Variants in BORCS5 observed in about 807,000 individuals in gnomAD.
BORCS5 encodes the protein BLOC-1 related complex subunit 5, also known as BLOC-1-related complex subunit 5.
Under a neutral mutation model 22.1 loss-of-function variants are expected in BORCS5, and 17 were observed. That is an observed-to-expected ratio of 0.77 (90% confidence interval 0.53 to 1.15). The LOEUF (loss-of-function observed/expected upper bound fraction) is 1.15. Ranked by LOEUF, BORCS5 falls within the 50% of genes most tolerant of loss-of-function variation. BORCS5 has a pLI of 0.00. For synonymous variants in BORCS5, 117 were observed against 99.8 expected (o/e 1.17, Z -1.03); for missense variants, 247 against 253.2 (o/e 0.98, Z 0.17).
At chr12:12,418,004 ATTTATTT>A (rs1942013644) in intron 2 of BORCS5, among the ~76,000 whole-genome samples, 1 of 69,826 alleles carries the variant, frequency 1.4e-5, no homozygotes, top group Non-Finnish European at 2.7e-5. Context: ...TTATTTATTT[ATTTATTT>A]ATTTATTTAT....
chr12:12,361,178 CT>C (rs1863275918), intron 1 of BORCS5, 27 bp from the exon 2 acceptor site: 1 of 1,607,508 alleles, frequency 6.2e-7, no homozygotes, highest in South Asian at 1.1e-5. Context: ...TAATATGCAT[CT>C]CCTAAGCAGT....
intron 2 of BORCS5, among the ~76,000 whole-genome samples, chr12:12,412,388 A>C (rs548507198): frequency 6.6e-6 from 1 of 152,090 alleles, no homozygotes. Context: ...GCTATTGGAA[A>C]TGGAATTGTT....
At chr12:12,426,135 C>T (rs1051674257) in intron 2 of BORCS5, among the ~76,000 whole-genome samples, 2 of 152,178 alleles carry the variant, frequency 1.3e-5, no homozygotes, top group African/African-American at 4.8e-5. Flanking sequence ...TGACTCCAAA[C>T]TTTTTCATTA....
intron 2 of BORCS5, among the ~76,000 whole-genome samples, chr12:12,414,060 C>T (rs1431664916): frequency 4.0e-5 from 3 of 74,848 alleles, no homozygotes; most frequent in Non-Finnish European, 5.4e-5. Context: ...AGGCGGGGGG[C>T]TGATCCCCCC....
chr12:12,467,106 T>C lies in BORCS5; in HGVS notation c.*1330T>C, dbSNP rs1369333099. On this transcript the variant is annotated 3_prime_UTR_variant, in exon 4 of 4. Transcript: ENST00000314565. ...ACCAAATCCAGCTAATTAAAAAAAA[T>C]TAATTAATTTTACATTTTCAAATTC... The C allele has an allele frequency of 6.6e-6, 1 of 152,130 alleles. No homozygotes were observed. The highest frequency in any genetic ancestry group is 6.5e-5 in the Admixed American group (1 of 15,282). 9.4% of individuals were successfully genotyped at this position (152,130 alleles called of 1,614,324 possible). A position where few individuals can be genotyped will look rare whatever the true frequency, so the allele number is the denominator to read the frequency against.
intron 2 of BORCS5, among the ~76,000 whole-genome samples, chr12:12,430,538 G>A (rs1440493095): frequency 6.6e-6 from 1 of 152,074 alleles, no homozygotes; most frequent in East Asian, 1.9e-4. Flanking sequence ...GGGGCACTTG[G>A]GATGGGTGAA....
At chr12:12,387,266 C>A (rs913267022) in intron 2 of BORCS5, among the ~76,000 whole-genome samples, 1 of 151,236 alleles carries the variant, frequency 6.6e-6, no homozygotes, top group African/African-American at 2.4e-5. Context: ...CTGAAGGAAT[C>A]GGGGTTGTTT....
At chr12:12,394,554 T>G (rs983352946) in intron 2 of BORCS5, among the ~76,000 whole-genome samples, 1 of 151,818 alleles carries the variant, frequency 6.6e-6, no homozygotes, top group South Asian at 2.1e-4. Flanking sequence ...AAAAAAAAAT[T>G]TAAAGAGACA....
intron 2 of BORCS5, among the ~76,000 whole-genome samples, chr12:12,432,083 G>C (rs952286147): frequency 6.6e-6 from 1 of 152,124 alleles, no homozygotes; most frequent in South Asian, 2.1e-4. Context: ...AGGCTTCCTG[G>C]GGTCTCTGCA....
intron 3 of BORCS5, among the ~76,000 whole-genome samples, chr12:12,441,154 A>G (rs1480671675): frequency 1.3e-5 from 2 of 152,182 alleles, no homozygotes; most frequent in East Asian, 3.9e-4. Context: ...GATCGGTCAC[A>G]CCCAGCAGCT....
chr12:12,384,222 T>C (rs1456495557), intron 2 of BORCS5, among the ~76,000 whole-genome samples: 1 of 151,116 alleles, frequency 6.6e-6, no homozygotes, highest in Non-Finnish European at 1.5e-5. Context: ...GCTCAAGCAA[T>C]GTGCTGACCT....
chr12:12,368,340 A>G (rs1007403629), intron 2 of BORCS5, among the ~76,000 whole-genome samples: 4 of 150,518 alleles, frequency 2.7e-5, no homozygotes, highest in African/African-American at 9.8e-5. Flanking sequence ...CATTTTGCCT[A>G]GTGCTCTTTT....
At chr12:12,404,763 A>G (rs1402325438) in intron 2 of BORCS5, among the ~76,000 whole-genome samples, 3 of 152,198 alleles carry the variant, frequency 2.0e-5, no homozygotes, top group Admixed American at 6.5e-5. Flanking sequence ...CAGTGGCATC[A>G]TCTCAGCCCA....
chr12:12,378,014 A>G (rs949936913), intron 2 of BORCS5, among the ~76,000 whole-genome samples: 10 of 152,266 alleles, frequency 6.6e-5, no homozygotes, highest in African/African-American at 2.2e-4. Flanking sequence ...TTACAAAACA[A>G]TAGCACTTGA....
intron 2 of BORCS5, among the ~76,000 whole-genome samples, chr12:12,392,934 A>C (rs1043596797): frequency 2.6e-5 from 4 of 152,026 alleles, no homozygotes; most frequent in Admixed American, 2.0e-4. Flanking sequence ...AATCTCCTTC[A>C]TAAAAAAAGG....
At chr12:12,430,460 T>G (rs965857807) in intron 2 of BORCS5, among the ~76,000 whole-genome samples, 7 of 152,060 alleles carry the variant, frequency 4.6e-5, no homozygotes, top group African/African-American at 1.7e-4. Context: ...CGATAAAATG[T>G]TTTAAGATGT....
At chr12:12,423,001 A>C (rs1360744374) in intron 2 of BORCS5, among the ~76,000 whole-genome samples, 1 of 147,776 alleles carries the variant, frequency 6.8e-6, no homozygotes, top group African/African-American at 2.5e-5. Flanking sequence ...TTTATTTTTT[A>C]TTTATTTTTT....
chr12:12,357,115 A>G lies in BORCS5; in HGVS notation c.-337A>G. On this transcript the variant is annotated 5_prime_UTR_variant, in exon 1 of 4. Transcript: ENST00000314565. ...GAAGGAGCGAGCTTGCGGAGCGTGA[A>G]CCAGTGAGTGAAAGCGGCGCCGCCC... The G allele has an allele frequency of 6.5e-7, 1 of 1,534,448 alleles. No individual in the cohort carries two copies. The highest frequency in any genetic ancestry group is 8.7e-7 in the Non-Finnish European group (1 of 1,146,122).
intron 2 of BORCS5, among the ~76,000 whole-genome samples, chr12:12,372,218 T>C (rs1429053503): frequency 6.6e-6 from 1 of 152,194 alleles, no homozygotes; most frequent in Admixed American, 6.5e-5. Context: ...TTCTGTACTT[T>C]TAGTAGAGAC....
Sources: allele counts gnomAD v4.1 joint callset (sites outside exome capture counted in the v4.1 genomes callset), GRCh38; gene constraint gnomAD v4.1.1; transcripts MANE v1.5; gene names NCBI Gene and HGNC (gene_info 2026-07-23, HGNC 2026-07-21).